GHR: variants seen among roughly 807,000 people sequenced by gnomAD.
GHR encodes growth hormone receptor.
GHR carries 35 observed loss-of-function variants against 67.1 expected under a neutral mutation model. The ratio of observed to expected loss-of-function variants is 0.52; its 90% confidence interval spans 0.40 to 0.69. The LOEUF (loss-of-function observed/expected upper bound fraction) is 0.69, where lower values mean the gene tolerates loss of function less well. Ranked by LOEUF, GHR falls within the 30% of genes least tolerant of loss-of-function variation. The pLI is 0.00. For synonymous variants in GHR, 272 were observed against 269.1 expected, an observed-to-expected ratio of 1.01 and a Z score of -0.10; for missense variants, 792 against 764.6, an observed-to-expected ratio of 1.04 and a Z score of -0.42.
At chr5:42,636,540 A>G (rs1295830056) in intron 3 of GHR, among the ~76,000 whole-genome samples, 2 of 152,280 alleles carry the variant, frequency 1.3e-5, no homozygotes, top group South Asian at 2.1e-4. Flanking sequence ...ACCAACTCTA[A>G]TCACTGCTCC....
At chr5:42,501,262 G>T (rs959452919) in intron 1 of GHR, among the ~76,000 whole-genome samples, 2 of 152,092 alleles carry the variant, frequency 1.3e-5, no homozygotes, top group African/African-American at 2.4e-5. Context: ...GTTCAATAAT[G>T]ATTATAAAGA....
At chr5:42,709,288 C>G (rs1758336755) in intron 6 of GHR, among the ~76,000 whole-genome samples, 1 of 152,158 alleles carries the variant, frequency 6.6e-6, no homozygotes, top group Non-Finnish European at 1.5e-5. Flanking sequence ...CGCAAGCCAC[C>G]ACACCCAGCT....
chr5:42,685,605 G>GT lies in GHR; in HGVS notation c.137-3279dup, dbSNP rs1404001980. Among the ~76,000 whole-genome samples, 17 of 152,138 alleles carry GT rather than the reference G, an allele frequency of 1.1e-4. 1 individual carries two copies. The highest frequency in any genetic ancestry group is 2.1e-4 in the Non-Finnish European group (14 of 68,014). ...TTTCTCCACATCCTCTCCAGCATCT[G>GT]TTTTTTCCTGACTTTTTAATGATCG... On this transcript the variant is annotated intron_variant, in intron 3 of 9. Coordinates refer to ENST00000230882, the MANE Select transcript of GHR (RefSeq NM_000163.5).
At chr5:42,477,734 G>GT (rs1354385225) in intron 1 of GHR, among the ~76,000 whole-genome samples, 1 of 152,020 alleles carries the variant, frequency 6.6e-6, no homozygotes, top group Non-Finnish European at 1.5e-5. Flanking sequence ...GGGGTTGTTT[G>GT]TTTTTTTCTT....
intron 1 of GHR, among the ~76,000 whole-genome samples, chr5:42,433,357 T>G (rs1397223780): frequency 1.3e-5 from 2 of 151,598 alleles, no homozygotes; most frequent in African/African-American, 2.4e-5. Flanking sequence ...AATAAATAAG[T>G]TTTTTTTTAA....
intron 3 of GHR, among the ~76,000 whole-genome samples, chr5:42,687,174 A>G (rs956147600): frequency 2.2e-4 from 34 of 152,344 alleles, no homozygotes; most frequent in Admixed American, 1.6e-3. Context: ...GAAATAAGAG[A>G]GGACACAAAC....
chr5:42,450,146 T>C (rs773263934), intron 1 of GHR, among the ~76,000 whole-genome samples: 7 of 152,222 alleles, frequency 4.6e-5, no homozygotes, highest in Non-Finnish European at 8.8e-5. Flanking sequence ...ATTAGGGTGA[T>C]ACTGGCTTCA....
intron 2 of GHR, among the ~76,000 whole-genome samples, chr5:42,599,733 C>T (rs1370728617): frequency 6.6e-6 from 1 of 151,898 alleles, no homozygotes; most frequent in Non-Finnish European, 1.5e-5. Flanking sequence ...ACAAAAACAA[C>T]AACAACAACA....
intron 2 of GHR, among the ~76,000 whole-genome samples, chr5:42,625,953 G>A (rs1053986580): frequency 2.6e-5 from 4 of 152,104 alleles, no homozygotes; most frequent in Admixed American, 1.3e-4. Flanking sequence ...GTCTCATAAT[G>A]TTATGCCAGA....
intron 1 of GHR, among the ~76,000 whole-genome samples, chr5:42,547,495 C>T (rs538638060): frequency 6.6e-6 from 1 of 152,178 alleles, no homozygotes; most frequent in African/African-American, 2.4e-5. Flanking sequence ...TTATGTCACC[C>T]GAGTATGTAA....
intron 2 of GHR, among the ~76,000 whole-genome samples, chr5:42,567,035 T>C (rs748897359): frequency 1.3e-5 from 2 of 152,238 alleles, no homozygotes; most frequent in East Asian, 3.8e-4. Flanking sequence ...TCTCTGGCGT[T>C]ATAATGTCAA....
At chr5:42,679,814 A>G (rs1219611655) in intron 3 of GHR, among the ~76,000 whole-genome samples, 1 of 152,114 alleles carries the variant, frequency 6.6e-6, no homozygotes, top group Non-Finnish European at 1.5e-5. Flanking sequence ...TATATTACAT[A>G]TAAAATGTGT....
intron 1 of GHR, among the ~76,000 whole-genome samples, chr5:42,437,486 G>A (rs566707473): frequency 6.6e-6 from 1 of 152,016 alleles, no homozygotes; most frequent in Admixed American, 6.5e-5. Context: ...GCAGTTCTGA[G>A]AAAATTTAAG....
At chr5:42,526,474 A>G (rs1051883882) in intron 1 of GHR, among the ~76,000 whole-genome samples, 2 of 152,246 alleles carry the variant, frequency 1.3e-5, no homozygotes, top group African/African-American at 4.8e-5. Flanking sequence ...AGATATAGCT[A>G]AGATCAGTGA....
At chr5:42,701,794 T>C (rs1757942625) in intron 6 of GHR, among the ~76,000 whole-genome samples, 1 of 152,198 alleles carries the variant, frequency 6.6e-6, no homozygotes, top group Admixed American at 6.5e-5. Flanking sequence ...AATTATATTG[T>C]GTAATAAAAT....
intron 1 of GHR, among the ~76,000 whole-genome samples, chr5:42,478,520 G>A (rs1180364814): frequency 3.3e-5 from 5 of 152,248 alleles, no homozygotes; most frequent in South Asian, 2.1e-4. Context: ...CCATGAGCAT[G>A]GAATGTTCTT....
intron 1 of GHR, among the ~76,000 whole-genome samples, chr5:42,484,478 A>G (rs534420928): frequency 6.6e-6 from 1 of 152,332 alleles, no homozygotes; most frequent in Non-Finnish European, 1.5e-5. Context: ...CCTGTTGCTT[A>G]GTCCTGGAAA....
chr5:42,554,354 A>AT (rs997206555), intron 1 of GHR, among the ~76,000 whole-genome samples: 3 of 152,022 alleles, frequency 2.0e-5, no homozygotes, highest in African/African-American at 7.3e-5. Context: ...AAAAAAAAAA[A>AT]TTTGATGCTT....
At chr5:42,465,989 A>T (rs1744713444) in intron 1 of GHR, 3 of 631,266 alleles carry the variant, frequency 4.8e-6, no homozygotes, top group South Asian at 1.9e-5. Context: ...TCTTCTTCCA[A>T]CTTGTCTTAT....
Sources: gnomAD v4.1 joint callset for allele counts (sites outside exome capture counted in the v4.1 genomes callset) on GRCh38, gnomAD v4.1.1 for gene constraint, MANE v1.5 for transcripts, NCBI Gene and HGNC (gene_info 2026-07-23, HGNC 2026-07-21) for gene names.